CACNB2: variants seen among roughly 807,000 people sequenced by gnomAD.
CACNB2 encodes the protein voltage-dependent L-type calcium channel subunit beta-2.
In CACNB2, 42 loss-of-function variants were observed where a neutral mutation model predicts 73.3. The observed-to-expected ratio is 0.57, with a 90% confidence interval of 0.45 to 0.74. CACNB2 has a LOEUF of 0.74. Ranked by LOEUF, CACNB2 falls within the 30% of genes least tolerant of loss-of-function variation. The pLI is 0.00. For synonymous variants in CACNB2, 348 were observed against 310.3 expected (o/e 1.12, Z -1.28); for missense variants, 940 against 853.0 (o/e 1.10, Z -1.27).
chr10:18,481,174 G>T (rs1202053469), intron 3 of CACNB2, among the ~76,000 whole-genome samples: 1 of 104,650 alleles, frequency 9.6e-6, no homozygotes, highest in African/African-American at 3.7e-5. Context: ...GACCAAAACT[G>T]ATAATATTAC....
chr10:18,401,696 A>G (rs1316752664), intron 2 of CACNB2, among the ~76,000 whole-genome samples: 1 of 152,166 alleles, frequency 6.6e-6, no homozygotes. Context: ...AGTTTTTTGG[A>G]ATATAAAGCT....
intron 2 of CACNB2, among the ~76,000 whole-genome samples, chr10:18,179,268 T>G (rs2033758844): frequency 6.6e-6 from 1 of 152,186 alleles, no homozygotes; most frequent in Non-Finnish European, 1.5e-5. Flanking sequence ...ATAGCAGACA[T>G]AGCAGCCCTT....
chr10:18,306,824 G>A (rs1588997646), intron 2 of CACNB2, among the ~76,000 whole-genome samples: 1 of 152,144 alleles, frequency 6.6e-6, no homozygotes, highest in Non-Finnish European at 1.5e-5. Flanking sequence ...ACACTGCAGA[G>A]GGTTAGAGAT....
intron 2 of CACNB2, among the ~76,000 whole-genome samples, chr10:18,241,091 AT>A (rs1457329720): frequency 6.6e-6 from 1 of 152,152 alleles, no homozygotes; most frequent in Non-Finnish European, 1.5e-5. Context: ...ACATGCAACC[AT>A]TTGTCTCTGA....
At chr10:18,537,924 C>G (rs2053765970) in intron 12 of CACNB2, among the ~76,000 whole-genome samples, 1 of 152,134 alleles carries the variant, frequency 6.6e-6, no homozygotes, top group Admixed American at 6.5e-5. Context: ...GACAACTTTT[C>G]TGGGTTGCCA....
chr10:18,500,770 C>A, intron 4 of CACNB2, 42 bp from the exon 5 acceptor site: 5 of 1,601,004 alleles, frequency 3.1e-6, no homozygotes, highest in Non-Finnish European at 3.4e-6. Context: ...AGGATTTGAC[C>A]TTCTGTGCAC....
At chr10:18,142,146 A>G (rs1308010526) in intron 1 of CACNB2, among the ~76,000 whole-genome samples, 3 of 152,374 alleles carry the variant, frequency 2.0e-5, no homozygotes, top group South Asian at 2.1e-4. Context: ...TCCAAGTGGC[A>G]TAGTAGTCTA....
chr10:18,529,688 A>T (rs1386526407), intron 10 of CACNB2, among the ~76,000 whole-genome samples: 1 of 152,222 alleles, frequency 6.6e-6, no homozygotes, highest in Non-Finnish European at 1.5e-5. Flanking sequence ...AGGACATGGG[A>T]GATGACATGA....
intron 2 of CACNB2, among the ~76,000 whole-genome samples, chr10:18,372,562 A>C (rs1221265997): frequency 6.6e-6 from 1 of 152,066 alleles, no homozygotes; most frequent in Non-Finnish European, 1.5e-5. Flanking sequence ...GTCCGCCACT[A>C]TGCCTGGCTA....
chr10:18,267,032 A>G (rs1017680815), intron 2 of CACNB2, among the ~76,000 whole-genome samples: 26 of 151,932 alleles, frequency 1.7e-4, no homozygotes, highest in African/African-American at 6.3e-4. Context: ...GTGTGTGTGT[A>G]TGTATATATA....
intron 3 of CACNB2, among the ~76,000 whole-genome samples, chr10:18,459,428 A>T (rs751082249): frequency 2.2e-4 from 34 of 152,150 alleles, no homozygotes; most frequent in Non-Finnish European, 2.6e-4. Flanking sequence ...CATGGGGCTG[A>T]CCGCCACCAC....
chr10:18,210,071 A>G (rs1321394334), intron 2 of CACNB2, among the ~76,000 whole-genome samples: 1 of 152,196 alleles, frequency 6.6e-6, no homozygotes, highest in African/African-American at 2.4e-5. Context: ...TTACAGGAGG[A>G]GGGAATGTCA....
intron 2 of CACNB2, among the ~76,000 whole-genome samples, chr10:18,268,317 A>G (rs1192423736): frequency 6.6e-6 from 1 of 152,244 alleles, no homozygotes; most frequent in Non-Finnish European, 1.5e-5. Context: ...AGAAAAGTCT[A>G]GTCTAGCAGT....
chr10:18,510,443 C>T (rs969572995), intron 6 of CACNB2, among the ~76,000 whole-genome samples: 5 of 152,116 alleles, frequency 3.3e-5, no homozygotes, highest in African/African-American at 9.7e-5. Context: ...GCTGGGATTA[C>T]AGGCACCGGC....
rs534161598 is a variant in CACNB2, at chr10:18,330,462, G to A, written c.214-71462G>A. On this transcript the variant is annotated intron_variant, in intron 2 of 13. Transcript: ENST00000324631. ...GCCTAGGAGTTCAAGACCATCCTGAGCATAGCAAGACTCTGTCTCTACAAA... is the reference window on the plus strand; with the variant it reads ...GCCTAGGAGTTCAAGACCATCCTGAACATAGCAAGACTCTGTCTCTACAAA... 5.0e-4 allele frequency among the ~76,000 whole-genome samples: 76 copies of A among 152,158 alleles called. 1 individual carries two copies. In the South Asian group the frequency reaches 0.016, roughly 32 times the overall value.
intron 9 of CACNB2, among the ~76,000 whole-genome samples, chr10:18,525,777 T>C (rs987505642): frequency 7.2e-5 from 11 of 152,302 alleles, no homozygotes; most frequent in African/African-American, 2.6e-4. Context: ...CTACTTTTCT[T>C]ACTTTTCTTC....
At chr10:18,325,675 T>TTCCC (rs200163707) in intron 2 of CACNB2, among the ~76,000 whole-genome samples, 16,849 of 97,362 alleles carry the variant, frequency 0.17, 2,387 homozygotes, top group African/African-American at 0.21. Context: ...TTCTTTCTCT[T>TTCCC]TCCCTCCCTC....
chr10:18,164,123 C>T (rs1564308168), intron 2 of CACNB2, among the ~76,000 whole-genome samples: 1 of 152,188 alleles, frequency 6.6e-6, no homozygotes, highest in Admixed American at 6.5e-5. Context: ...ACTTTTACGA[C>T]AGATAAAATA....
intron 2 of CACNB2, among the ~76,000 whole-genome samples, chr10:18,222,127 T>G (rs2035817708): frequency 6.6e-6 from 1 of 152,200 alleles, no homozygotes; most frequent in Non-Finnish European, 1.5e-5. Flanking sequence ...ACCTGTGACG[T>G]GTCCTGCCAC....
Sources: allele counts gnomAD v4.1 joint callset (sites outside exome capture counted in the v4.1 genomes callset), GRCh38; gene constraint gnomAD v4.1.1; transcripts MANE v1.5; gene names NCBI Gene and HGNC (gene_info 2026-07-23, HGNC 2026-07-21).